Variants in CDH18 observed in about 807,000 individuals in gnomAD.
The protein encoded by CDH18 is cadherin 18.
In CDH18, 31 loss-of-function variants were observed where a neutral mutation model predicts 67.9. The observed-to-expected ratio is 0.46, with a 90% confidence interval of 0.34 to 0.62. The LOEUF is 0.62. Ranked by LOEUF, CDH18 falls within the 20% of genes least tolerant of loss-of-function variation. The pLI, the probability that CDH18 is intolerant of heterozygous loss-of-function variation, is 0.01. For missense variants in CDH18, 890 were observed against 975.5 expected, an observed-to-expected ratio of 0.91 and a Z score of 1.17; for synonymous variants, 362 against 347.2, an observed-to-expected ratio of 1.04 and a Z score of -0.48.
At chr5:19,667,288 A>G (rs1758092703) in intron 5 of CDH18, among the ~76,000 whole-genome samples, 1 of 151,628 alleles carries the variant, frequency 6.6e-6, no homozygotes, top group Non-Finnish European at 1.5e-5. Context: ...TTATTATGTA[A>G]AATTGCAGTT....
intron 2 of CDH18, among the ~76,000 whole-genome samples, chr5:19,892,148 G>C (rs1788840338): frequency 2.6e-5 from 4 of 152,028 alleles, no homozygotes; most frequent in African/African-American, 4.8e-5. Context: ...AAATAATTAA[G>C]GTTTAACTCT....
At chr5:20,515,278 G>A (rs915067018) in intron 1 of CDH18, among the ~76,000 whole-genome samples, 5 of 148,848 alleles carry the variant, frequency 3.4e-5, no homozygotes, top group Non-Finnish European at 7.4e-5. Flanking sequence ...ATAGAGGAAG[G>A]AAGAAAGGGG....
At chr5:19,484,468 C>T (rs927509758) in intron 11 of CDH18, among the ~76,000 whole-genome samples, 2 of 152,138 alleles carry the variant, frequency 1.3e-5, no homozygotes, top group African/African-American at 2.4e-5. Context: ...TTTCATTGTA[C>T]TGTTATTCCT....
In CDH18 at chr5:19,948,670, G is replaced by A. The variant is rs74836155; in HGVS notation, c.-257+32390C>T. ...TGCACGCTCACACACACACAAATAA[G>A]TGTACAAATAACTTTAGAAATCTGA... On this transcript the variant is annotated intron_variant, in intron 2 of 12. Transcript: ENST00000382275. Among the ~76,000 whole-genome samples, 112 of 152,124 alleles carry A rather than the reference G, an allele frequency of 7.4e-4. 1 individual carries two copies. The highest frequency in any genetic ancestry group is 2.6e-3 in the African/African-American group (106 of 41,508).
At chr5:20,443,236 A>G (rs1749765609) in intron 1 of CDH18, among the ~76,000 whole-genome samples, 1 of 147,988 alleles carries the variant, frequency 6.8e-6, no homozygotes, top group African/African-American at 2.5e-5. Context: ...AAAAAAGTAT[A>G]TCTTTTGCAA....
intron 2 of CDH18, among the ~76,000 whole-genome samples, chr5:20,246,791 G>A (rs915333112): frequency 6.6e-6 from 1 of 152,062 alleles, no homozygotes; most frequent in Admixed American, 6.6e-5. Context: ...CTGTTTAACT[G>A]GATTATTCTA....
rs1193435956 is a variant in CDH18, at chr5:19,960,710, T to TGTATACACGTGTATATACGTATATAC, written c.-257+20324_-257+20349dup. On this transcript the variant is annotated intron_variant, in intron 2 of 12. Coordinates refer to ENST00000382275, the MANE Select transcript of CDH18 (RefSeq NM_004934.5). ...ATATACACGTGTATATATGTATATA[T>TGTATACACGTGTATATACGTATATAC]GTATACACGTGTATATACGTATATA... Among the ~76,000 whole-genome samples the TGTATACACGTGTATATACGTATATAC allele has an allele frequency of 6.4e-5, 8 of 124,746 alleles. No individual in the cohort carries two copies. In the South Asian group the frequency reaches 1.1e-3, roughly 17 times the overall value. 81.8% of individuals were successfully genotyped at this position (124,746 alleles called of 152,430 possible).
intron 5 of CDH18, among the ~76,000 whole-genome samples, chr5:19,630,572 T>A (rs1033766669): frequency 2.6e-5 from 4 of 152,142 alleles, no homozygotes; most frequent in Non-Finnish European, 5.9e-5. Flanking sequence ...GTGGCTACTA[T>A]CTAATTCTCA....
chr5:19,881,334 T>C (rs2150055822), intron 2 of CDH18, among the ~76,000 whole-genome samples: 1 of 152,090 alleles, frequency 6.6e-6, no homozygotes, highest in South Asian at 2.1e-4. Flanking sequence ...ACATAATAAA[T>C]AGATTTTTTT....
intron 1 of CDH18, among the ~76,000 whole-genome samples, chr5:20,451,740 A>G (rs918896583): frequency 6.6e-6 from 1 of 152,168 alleles, no homozygotes; most frequent in Admixed American, 6.6e-5. Flanking sequence ...AACACTTTTT[A>G]ATCAAATTGC....
chr5:20,395,256 A>T lies in CDH18; in HGVS notation c.-579-139751T>A, dbSNP rs116043916. ...ACATATACACCACTGAATACTACTC[A>T]TCCCTAAAACAGCATGAAATAATAC... On this transcript the variant is annotated intron_variant, in intron 1 of 14. Transcript: ENST00000507958. Among the ~76,000 whole-genome samples the T allele has an allele frequency of 4.7e-3, 714 of 152,338 alleles. 7 individuals carry two copies. The highest frequency in any genetic ancestry group is 0.016 in the African/African-American group (681 of 41,568).
intron 2 of CDH18, among the ~76,000 whole-genome samples, chr5:19,854,698 C>A (rs1581658140): frequency 6.6e-6 from 1 of 152,146 alleles, no homozygotes; most frequent in East Asian, 1.9e-4. Flanking sequence ...GGAATGAGCT[C>A]CAAGACATTG....
chr5:19,479,313 G>A (rs1010042746), intron 12 of CDH18, among the ~76,000 whole-genome samples: 3 of 152,072 alleles, frequency 2.0e-5, no homozygotes, highest in African/African-American at 7.2e-5. Context: ...AGCTGCGAGG[G>A]TTGAACGTTA....
At chr5:19,566,546 G>T (rs1411292078) in intron 8 of CDH18, among the ~76,000 whole-genome samples, 2 of 152,188 alleles carry the variant, frequency 1.3e-5, no homozygotes, top group African/African-American at 4.8e-5. Flanking sequence ...AGACAAGAAA[G>T]AATGAGAGCC....
At chr5:19,706,361 T>C (rs544270823) in intron 5 of CDH18, among the ~76,000 whole-genome samples, 3 of 152,338 alleles carry the variant, frequency 2.0e-5, no homozygotes, top group East Asian at 1.9e-4. Context: ...ATTTAACCCA[T>C]GTTAATGCCT....
intron 5 of CDH18, among the ~76,000 whole-genome samples, chr5:19,658,320 T>G (rs970133752): frequency 6.6e-6 from 1 of 152,128 alleles, no homozygotes; most frequent in Admixed American, 6.6e-5. Context: ...CATGGTTTGT[T>G]AAAATGATGA....
intron 1 of CDH18, among the ~76,000 whole-genome samples, chr5:20,290,383 G>A (rs1004897397): frequency 6.6e-6 from 1 of 152,138 alleles, no homozygotes; most frequent in African/African-American, 2.4e-5. Flanking sequence ...CTAGAAATGT[G>A]TGTGAAGATT....
At chr5:20,321,068 T>G (rs1737978864) in intron 1 of CDH18, among the ~76,000 whole-genome samples, 1 of 152,186 alleles carries the variant, frequency 6.6e-6, no homozygotes, top group African/African-American at 2.4e-5. Context: ...CTTGGCTTTC[T>G]CTTTTTCCGC....
At chr5:20,545,044 C>T (rs1757265639) in intron 1 of CDH18, among the ~76,000 whole-genome samples, 2 of 152,202 alleles carry the variant, frequency 1.3e-5, no homozygotes, top group African/African-American at 2.4e-5. Context: ...GGCTACAGAA[C>T]CCATGCAAGT....
Sources: gnomAD v4.1 joint callset for allele counts (sites outside exome capture counted in the v4.1 genomes callset) on GRCh38, gnomAD v4.1.1 for gene constraint, MANE v1.5 for transcripts, NCBI Gene and HGNC (gene_info 2026-07-23, HGNC 2026-07-21) for gene names.